Variants in GRM5 observed in about 807,000 individuals in gnomAD.
GRM5 encodes glutamate metabotropic receptor 5.
In GRM5, 19 loss-of-function variants were observed where a neutral mutation model predicts 83.1. The ratio of observed to expected loss-of-function variants is 0.23; its 90% CI spans 0.16 to 0.34. GRM5 has a LOEUF of 0.34. Among genes scored for constraint, GRM5 ranks in the 10% least tolerant of loss-of-function variants. The pLI, the probability that GRM5 is intolerant of heterozygous loss-of-function variation, is 1.00. For synonymous variants in GRM5, 675 were observed against 633.6 expected (o/e 1.07, Z -0.98); for missense variants, 1,160 against 1,588.3 (o/e 0.73, Z 4.58).
chr11:88,842,466 G>T (rs1944220814), intron 3 of GRM5, among the ~76,000 whole-genome samples: 1 of 152,134 alleles, frequency 6.6e-6, no homozygotes, highest in Non-Finnish European at 1.5e-5. Flanking sequence ...TTGTTAATCT[G>T]CTTTTATTAC....
At chr11:88,931,440 T>A (rs1337888744) in intron 2 of GRM5, among the ~76,000 whole-genome samples, 1 of 146,526 alleles carries the variant, frequency 6.8e-6, no homozygotes, top group Admixed American at 6.8e-5. Flanking sequence ...AGAACCAAAG[T>A]AAAAAAAAAA....
intron 2 of GRM5, among the ~76,000 whole-genome samples, chr11:88,987,525 G>C (rs978691714): frequency 6.6e-6 from 1 of 152,004 alleles, no homozygotes; most frequent in Non-Finnish European, 1.5e-5. Flanking sequence ...AAGGAGGCCT[G>C]CCTGCCTCTG....
chr11:88,830,010 G>C (rs2135518594), intron 3 of GRM5, among the ~76,000 whole-genome samples: 1 of 151,698 alleles, frequency 6.6e-6, no homozygotes, highest in East Asian at 1.9e-4. Flanking sequence ...AGAAGAGACA[G>C]GAAGAAGGGA....
chr11:88,543,001 G>T (rs1332447107), intron 8 of GRM5, among the ~76,000 whole-genome samples: 5 of 152,162 alleles, frequency 3.3e-5, no homozygotes, highest in African/African-American at 1.2e-4. Context: ...CCGGGAAGTG[G>T]AGGTTGCAGT....
intron 8 of GRM5, among the ~76,000 whole-genome samples, chr11:88,530,111 G>A (rs11604057): frequency 1.3e-5 from 2 of 151,960 alleles, no homozygotes; most frequent in African/African-American, 4.8e-5. Context: ...AAACTATGTA[G>A]ACAGTGGAAA....
At chr11:89,007,092 C>A (rs917046106) in intron 2 of GRM5, among the ~76,000 whole-genome samples, 1 of 152,188 alleles carries the variant, frequency 6.6e-6, no homozygotes, top group Non-Finnish European at 1.5e-5. Context: ...CCACGGCGCC[C>A]GGCCCAAATC....
chr11:88,663,204 G>A (rs564227698), intron 3 of GRM5, among the ~76,000 whole-genome samples: 11 of 152,210 alleles, frequency 7.2e-5, no homozygotes, highest in African/African-American at 2.2e-4. Flanking sequence ...AAAGACGTGG[G>A]GATTACAGGA....
chr11:88,517,728 A>C (rs1299462643), intron 9 of GRM5, among the ~76,000 whole-genome samples: 1 of 152,148 alleles, frequency 6.6e-6, no homozygotes, highest in Non-Finnish European at 1.5e-5. Context: ...TGATGACTAC[A>C]TGTCAGGCGG....
chr11:88,611,692 A>T (rs1441157484), intron 4 of GRM5, among the ~76,000 whole-genome samples: 1 of 151,764 alleles, frequency 6.6e-6, no homozygotes, highest in Non-Finnish European at 1.5e-5. Flanking sequence ...TTTTGTATGG[A>T]TTTTCACATC....
intron 3 of GRM5, among the ~76,000 whole-genome samples, chr11:88,708,080 T>G (rs1941201220): frequency 6.6e-6 from 1 of 152,018 alleles, no homozygotes; most frequent in Admixed American, 6.6e-5. Flanking sequence ...AAGAAAACAC[T>G]ATGTCACTAC....
chr11:88,701,236 T>C (rs1941027536), intron 3 of GRM5, among the ~76,000 whole-genome samples: 1 of 152,112 alleles, frequency 6.6e-6, no homozygotes. Context: ...ATCCACAGTT[T>C]TTACCATGAC....
Position 88,554,326 on chromosome 11 carries a change from A to G in GRM5, c.2630+12727T>C, listed in dbSNP as rs182520029. Among the ~76,000 whole-genome samples the G allele has an allele frequency of 3.1e-3, 476 of 152,176 alleles. 7 individuals carry two copies. The highest frequency in any genetic ancestry group is 6.3e-4 in the Non-Finnish European group (43 of 67,994). On this transcript the variant is annotated intron_variant, in intron 8 of 9. Transcript: ENST00000305447. ...ATATCTTTGTGATCACATTGGGCCC[A>G]CTGGATAATCCAGGATCATCTTTCC...
At chr11:88,747,705 G>GAAA (rs34525662) in intron 3 of GRM5, among the ~76,000 whole-genome samples, 1 of 144,306 alleles carries the variant, frequency 6.9e-6, no homozygotes. Flanking sequence ...GGCTATCCAG[G>GAAA]AAAAAAAAAA....
At chr11:88,665,257 A>G (rs1174981302) in intron 3 of GRM5, among the ~76,000 whole-genome samples, 12 of 151,606 alleles carry the variant, frequency 7.9e-5, no homozygotes, top group Admixed American at 7.2e-4. Flanking sequence ...ACTGCCTTAA[A>G]CCATTAAATT....
chr11:88,577,547 C>T (rs1943138520), intron 7 of GRM5, among the ~76,000 whole-genome samples: 2 of 152,124 alleles, frequency 1.3e-5, no homozygotes, highest in African/African-American at 4.8e-5. Context: ...ACCAAATGCT[C>T]AGGCTCTGTG....
chr11:88,798,881 T>A (rs1000511789), intron 3 of GRM5, among the ~76,000 whole-genome samples: 4 of 140,660 alleles, frequency 2.8e-5, no homozygotes, highest in African/African-American at 8.0e-5. Flanking sequence ...TATATGACAA[T>A]CCAGGGAAGA....
chr11:88,969,153 T>C (rs1201095691), intron 2 of GRM5, among the ~76,000 whole-genome samples: 1 of 152,078 alleles, frequency 6.6e-6, no homozygotes, highest in Non-Finnish European at 1.5e-5. Context: ...TTTCAGTCAT[T>C]TAACTTTTGT....
intron 2 of GRM5, among the ~76,000 whole-genome samples, chr11:88,903,769 G>A (rs1945357211): frequency 6.6e-6 from 1 of 152,200 alleles, no homozygotes; most frequent in South Asian, 2.1e-4. Context: ...GAGGAGCACA[G>A]ATTATGAGCA....
chr11:88,564,579 A>G (rs546131325), intron 8 of GRM5, among the ~76,000 whole-genome samples: 6 of 152,278 alleles, frequency 3.9e-5, no homozygotes, highest in African/African-American at 1.4e-4. Flanking sequence ...ATAAAAGTTA[A>G]TAGTACAACT....
Sources: gnomAD v4.1 joint callset for allele counts (sites outside exome capture counted in the v4.1 genomes callset) on GRCh38, gnomAD v4.1.1 for gene constraint, MANE v1.5 for transcripts, NCBI Gene and HGNC (gene_info 2026-07-23, HGNC 2026-07-21) for gene names.